Variants in PSG6 observed in about 807,000 individuals in gnomAD.
The protein encoded by PSG6 is pregnancy-specific beta-1-glycoprotein 6.
Under a neutral mutation model 43.3 loss-of-function variants are expected in PSG6, and 51 were observed. The observed-to-expected ratio is 1.18, with a 90% CI of 0.94 to 1.49. The LOEUF (loss-of-function observed/expected upper bound fraction) is 1.49. Among genes scored for constraint, PSG6 ranks in the 40% most tolerant of loss-of-function variants. The pLI is 0.00. For missense variants in PSG6, 770 were observed against 522.2 expected, an observed-to-expected ratio of 1.47 and a Z score of -4.62; for synonymous variants, 292 against 197.6, an observed-to-expected ratio of 1.48 and a Z score of -4.01.
At chr19:42,902,842 T>A (rs1168791382) in intron 5 of PSG6, among the ~76,000 whole-genome samples, 1 of 151,584 alleles carries the variant, frequency 6.6e-6, no homozygotes, top group East Asian at 1.9e-4. Context: ...GCACTTAGCT[T>A]TTTTTCTTTC....
Position 42,910,438 on chromosome 19 carries a change from T to C in PSG6, c.706+142A>G, listed in dbSNP as rs775891679. ...AAGCCTAGGCCTACTCTGGTTTGCC[T>C]GGAGCAGAAAGTCATGGCCAGCTTT... is the stretch of plus-strand genomic sequence containing the variant. On this transcript the variant is annotated intron_variant, in intron 3 of 5. Coordinates refer to ENST00000187910, the MANE Select transcript of PSG6 (RefSeq NM_001031850.4). 2.5e-6 allele frequency: 4 copies of C among 1,599,990 alleles called. 1 individual carries two copies. Among genetic ancestry groups the C allele is most frequent in the Non-Finnish European group, 3.4e-6 (4 of 1,169,368 alleles).
rs150797701 is a variant in PSG6, at chr19:42,910,857, C to T, written c.429G>A (p.Ser143=). The change falls in exon 3 of 6, where the codon TCG becomes TCA. Residue 143 remains serine (S), a splice_region_variant and synonymous_variant. Coordinates refer to ENST00000187910, the MANE Select transcript of PSG6 (RefSeq NM_001031850.4). ...VTGYFTVTLY[S]ETPKPSISSS... ...TGGAGATGGAGGGCTTGGGAGTCTCCGCTGTGCAGAAAACAGAGAGAAGAT... is the reference window on the plus strand; with the variant it reads ...TGGAGATGGAGGGCTTGGGAGTCTCTGCTGTGCAGAAAACAGAGAGAAGAT... 214 of 1,605,670 alleles carry T rather than the reference C, an allele frequency of 1.3e-4. 7 individuals are homozygous for T. Among genetic ancestry groups the T allele is most frequent in the South Asian group, 2.3e-4 (21 of 89,372 alleles).
chr19:42,913,807 C>T (rs1197321469), intron 2 of PSG6, among the ~76,000 whole-genome samples: 2 of 151,582 alleles, frequency 1.3e-5, no homozygotes, highest in African/African-American at 4.8e-5. Flanking sequence ...TACCTAGAGG[C>T]AGATTCAAGC....
At chr19:42,906,642 T>C (rs1063019) in intron 5 of PSG6, 8 of 1,388,864 alleles carry the variant, frequency 5.8e-6, no homozygotes, top group East Asian at 2.5e-5. Context: ...CTCTCCTTCT[T>C]GTCCCTCTGT....
intron 2 of PSG6, among the ~76,000 whole-genome samples, chr19:42,912,145 A>G (rs1366493382): frequency 6.6e-6 from 1 of 151,666 alleles, no homozygotes; most frequent in East Asian, 1.9e-4. Flanking sequence ...GCGAGTGAGC[A>G]CTTCTTTTTA....
chr19:42,903,419 G>C lies in PSG6; in HGVS notation c.1241-973C>G, dbSNP rs185888631. Among the ~76,000 whole-genome samples the C allele has an allele frequency of 3.4e-4, 52 of 151,588 alleles. 1 individual carries two copies. Among genetic ancestry groups the C allele is most frequent in the African/African-American group, 1.3e-3 (52 of 41,298 alleles). ...GAAGAACAAACTAAACCCAAGCACA[G>C]TGAATGAGGGAAATAATAAGTATTA... On this transcript the variant is annotated intron_variant, in intron 5 of 5. Transcript: ENST00000187910.
rs750657043 is a variant in PSG6, at chr19:42,902,739, C to G, written c.1241-293G>C. On this transcript the variant is annotated intron_variant, in intron 5 of 5. Coordinates refer to ENST00000187910, the MANE Select transcript of PSG6 (RefSeq NM_001031850.4). ...TTCATGCCTGCCCCACATTCCCTCA[C>G]AGGTGTCTTCCCTGATAAATTATCT... Among the ~76,000 whole-genome samples, 66 of 151,614 alleles carry G rather than the reference C, an allele frequency of 4.4e-4. 1 individual carries two copies. Among genetic ancestry groups the G allele is most frequent in the Middle Eastern group, 3.4e-3 (1 of 294 alleles).
intron 2 of PSG6, among the ~76,000 whole-genome samples, chr19:42,913,900 A>T (rs550144317): frequency 1.3e-5 from 2 of 151,674 alleles, no homozygotes; most frequent in South Asian, 2.1e-4. Flanking sequence ...CCCTGAAACT[A>T]TCCTTGAAAA....
rs1426013745 is a variant in PSG6 at position 42,917,844 on chromosome 19, A to G, written c.-52T>C. 3.2e-6 allele frequency: 5 copies of G among 1,585,050 alleles called. No homozygotes were observed. In the African/African-American group the frequency reaches 4.1e-5, roughly 13 times the overall value. Reference sequence around the variant, plus strand: ...CTGTGGAGATGAGCCTAGGATCCAGAGACTTCCTGAGCAGGGCTGTCAGGT... The same window carrying G: ...CTGTGGAGATGAGCCTAGGATCCAGGGACTTCCTGAGCAGGGCTGTCAGGT... On this transcript the variant is annotated 5_prime_UTR_variant, in exon 1 of 6. Coordinates refer to ENST00000187910, the MANE Select transcript of PSG6 (RefSeq NM_001031850.4).
intron 2 of PSG6, among the ~76,000 whole-genome samples, chr19:42,915,117 G>A (rs1357030270): frequency 6.6e-6 from 1 of 151,400 alleles, no homozygotes; most frequent in Admixed American, 6.6e-5. Flanking sequence ...GGAGAGGATG[G>A]GCCTGTGGCT....
chr19:42,913,425 G>T (rs1463250479), intron 2 of PSG6, among the ~76,000 whole-genome samples: 1 of 151,806 alleles, frequency 6.6e-6, no homozygotes, highest in African/African-American at 2.4e-5. Context: ...GATTATAGGC[G>T]TGAGCCACTG....
intron 2 of PSG6, among the ~76,000 whole-genome samples, chr19:42,912,805 A>T (rs1191330867): frequency 1.3e-5 from 2 of 151,668 alleles, no homozygotes; most frequent in Non-Finnish European, 2.9e-5. Flanking sequence ...ACTCCAACTT[A>T]TGAAAACGGC....
chr19:42,906,313 T>C (rs1972110634), intron 5 of PSG6, among the ~76,000 whole-genome samples: 1 of 151,546 alleles, frequency 6.6e-6, no homozygotes, highest in South Asian at 2.1e-4. Flanking sequence ...CGGGGGAGGC[T>C]TGGCTTCAAC....
chr19:42,917,442 C>T (rs1347073759), intron 1 of PSG6, among the ~76,000 whole-genome samples: 1 of 147,246 alleles, frequency 6.8e-6, no homozygotes, highest in South Asian at 2.2e-4. Context: ...CGGCTAGCTG[C>T]AACTTCTGCC....
In PSG6 at chr19:42,911,460, G is replaced by T. The variant is rs561487827; in HGVS notation, c.428-602C>A. On this transcript the variant is annotated intron_variant, in intron 2 of 5. Coordinates refer to ENST00000187910, the MANE Select transcript of PSG6 (RefSeq NM_001031850.4). ...CACAAGGTGGGGCAGTTTTCCAGGT[G>T]TCTCATAGTGACTGAGTTGAGCCAA... Among the ~76,000 whole-genome samples, 609 of 151,624 alleles carry T rather than the reference G, an allele frequency of 4.0e-3. 18 individuals carry two copies. The highest frequency in any genetic ancestry group is 7.4e-3 in the Non-Finnish European group (501 of 67,888).
chr19:42,904,532 C>T (rs2122617377), intron 5 of PSG6, among the ~76,000 whole-genome samples: 1 of 151,708 alleles, frequency 6.6e-6, no homozygotes, highest in East Asian at 1.9e-4. Context: ...AAAATAATTT[C>T]AATTTATATT....
intron 2 of PSG6, among the ~76,000 whole-genome samples, chr19:42,914,921 A>C (rs779600562): frequency 2.0e-5 from 3 of 151,458 alleles, no homozygotes; most frequent in Non-Finnish European, 4.4e-5. Flanking sequence ...TCTGAGGGGG[A>C]GACCTGGACA....
chr19:42,916,524 C>A (rs1166349654), intron 1 of PSG6, 37 bp from the exon 2 acceptor site: 1 of 1,587,816 alleles, frequency 6.3e-7, no homozygotes, highest in Admixed American at 1.7e-5. Context: ...ATATTTGGAC[C>A]TATGTATTGG....
chr19:42,906,829 G>C, intron 5 of PSG6, 93 bp downstream of exon 5: 1 of 1,607,696 alleles, frequency 6.2e-7, no homozygotes, highest in Non-Finnish European at 8.5e-7. Flanking sequence ...ATGGGACACA[G>C]TCTGGGAATA....
Sources: gnomAD v4.1 joint callset for allele counts (sites outside exome capture counted in the v4.1 genomes callset) on GRCh38, gnomAD v4.1.1 for gene constraint, MANE v1.5 for transcripts, NCBI Gene and HGNC (gene_info 2026-07-23, HGNC 2026-07-21) for gene names.